LAMA2: variants seen among roughly 807,000 people sequenced by gnomAD.
The protein encoded by LAMA2 is laminin subunit alpha 2, also known as laminin subunit alpha-2.
A neutral mutation model predicts 364.8 loss-of-function variants in LAMA2; 269 were observed. The ratio of observed to expected loss-of-function variants is 0.74; its 90% CI spans 0.67 to 0.82. The LOEUF is 0.82. Ranked by LOEUF, LAMA2 falls within the 40% of genes least tolerant of loss-of-function variation. LAMA2 has a pLI of 0.00. For synonymous variants in LAMA2, 1,379 were observed against 1,370.6 expected, an observed-to-expected ratio of 1.01 and a Z score of -0.14; for missense variants, 3,807 against 3,873.2, an observed-to-expected ratio of 0.98 and a Z score of 0.45.
rs535923083 is a variant in LAMA2 at position 128,983,018 on chromosome 6, T to G, written c.113-66900T>G. The stretch of plus-strand genomic sequence containing the variant: ...TTCTTAATCCAGTCTATCATTGTTG[T>G]ACATTTGGGTTGGTTCCAAGTCTTT... On this transcript the variant is annotated intron_variant, in intron 1 of 64. Coordinates refer to ENST00000421865, the MANE Select transcript of LAMA2 (RefSeq NM_000426.4). 7.9e-3 allele frequency among the ~76,000 whole-genome samples: 1,194 copies of G among 151,028 alleles called. 23 individuals carry two copies. The highest frequency in any genetic ancestry group is 0.026 in the African/African-American group (1,061 of 40,580).
chr6:129,055,693 G>A (rs191523305), intron 2 of LAMA2, among the ~76,000 whole-genome samples: 96 of 152,270 alleles, frequency 6.3e-4, no homozygotes, highest in Non-Finnish European at 1.1e-3. Flanking sequence ...TGGAAGGTCC[G>A]CAGTTAATTA....
chr6:128,910,792 T>TG (rs1031956898), intron 1 of LAMA2, among the ~76,000 whole-genome samples: 1 of 150,550 alleles, frequency 6.6e-6, no homozygotes, highest in African/African-American at 2.5e-5. Context: ...TCTTTGATGA[T>TG]GGTGATGTAC....
chr6:129,180,939 G>A (rs190483542), intron 10 of LAMA2, among the ~76,000 whole-genome samples: 4 of 152,104 alleles, frequency 2.6e-5, no homozygotes, highest in Admixed American at 2.0e-4. Flanking sequence ...ACCCACAGAC[G>A]GAAATTGCAG....
At chr6:129,512,705 T>C (rs1486468382) in intron 63 of LAMA2, among the ~76,000 whole-genome samples, 1 of 152,184 alleles carries the variant, frequency 6.6e-6, no homozygotes, top group Non-Finnish European at 1.5e-5. Flanking sequence ...AATGCATTAA[T>C]TGTACAGCAA....
At chr6:129,006,502 C>T (rs191053038) in intron 1 of LAMA2, among the ~76,000 whole-genome samples, 78 of 152,264 alleles carry the variant, frequency 5.1e-4, no homozygotes, top group African/African-American at 1.8e-3. Context: ...GTCCCATTCA[C>T]CCATTTATCC....
At chr6:129,354,865 A>G (rs1175588487) in intron 32 of LAMA2, among the ~76,000 whole-genome samples, 1 of 152,188 alleles carries the variant, frequency 6.6e-6, no homozygotes, top group Non-Finnish European at 1.5e-5. Context: ...TATCATTAGA[A>G]ATCGTAATTC....
At chr6:129,088,346 C>A (rs1439007177) in intron 3 of LAMA2, among the ~76,000 whole-genome samples, 2 of 151,328 alleles carry the variant, frequency 1.3e-5, no homozygotes, top group African/African-American at 4.8e-5. Flanking sequence ...CCCCACATTT[C>A]CCCCTTTTCT....
At chr6:129,512,252 G>C in intron 62 of LAMA2, 111 bp from the exon 63 acceptor site, 3 of 1,062,984 alleles carry the variant, frequency 2.8e-6, no homozygotes, top group Non-Finnish European at 4.2e-6. Flanking sequence ...GCCCTCATTA[G>C]AATTAGCTAG....
At chr6:129,494,734 C>T (rs1170817779) in intron 58 of LAMA2, among the ~76,000 whole-genome samples, 1 of 152,144 alleles carries the variant, frequency 6.6e-6, no homozygotes, top group African/African-American at 2.4e-5. Flanking sequence ...CTGAGATCTG[C>T]CACATGGATT....
At chr6:129,415,585 C>A (rs1277476386) in intron 40 of LAMA2, among the ~76,000 whole-genome samples, 3 of 152,068 alleles carry the variant, frequency 2.0e-5, no homozygotes, top group Non-Finnish European at 2.9e-5. Flanking sequence ...GTGACTCATG[C>A]CGGTAATCCC....
At chr6:128,987,127 T>G (rs562364807) in intron 1 of LAMA2, among the ~76,000 whole-genome samples, 933 of 56,248 alleles carry the variant, frequency 0.017, 8 homozygotes, top group South Asian at 0.065. Context: ...GGATAGTTTG[T>G]TTTTTTTTTT....
intron 17 of LAMA2, 135 bp from the exon 18 acceptor site, chr6:129,279,926 T>C (rs1342351360): frequency 5.5e-6 from 4 of 724,042 alleles, no homozygotes; most frequent in Non-Finnish European, 1.0e-5. Context: ...CCCTAATCTC[T>C]GTCTCTGGGG....
At chr6:128,947,682 G>A (rs2114559202) in intron 1 of LAMA2, among the ~76,000 whole-genome samples, 1 of 152,250 alleles carries the variant, frequency 6.6e-6, no homozygotes, top group African/African-American at 2.4e-5. Context: ...AGAAGAGCAT[G>A]GATTTAAAGC....
intron 3 of LAMA2, among the ~76,000 whole-genome samples, chr6:129,090,315 G>A (rs960177455): frequency 3.3e-5 from 5 of 151,970 alleles, no homozygotes; most frequent in Non-Finnish European, 7.4e-5. Context: ...TGTATTACTC[G>A]CTTTGTAACT....
In LAMA2 at chr6:129,465,266, C is replaced by T. The variant is rs1181609822; in HGVS notation, c.7277C>T (p.Thr2426Ile). Residue 2426 changes from threonine to isoleucine, a missense_variant, in exon 51 of 65, where the codon ACT becomes ATT. Thr to Ile is a moderately conservative substitution (Grantham distance 89). This residue lies in a region of LAMA2 where 3,333 missense variants were observed against 3,345.7 expected (regional missense o/e 1.00). Coordinates refer to ENST00000421865, the MANE Select transcript of LAMA2 (RefSeq NM_000426.4). ...AATGATGGGAAATGGAAATCATTCA[C>T]TCTGTCAAGAATTCAAAAACAAGGT... ...NHNDGKWKSF[T>I]LSRIQKQANI... 3.3e-5 allele frequency: 53 copies of T among 1,611,174 alleles called. No homozygotes were observed. The highest frequency in any genetic ancestry group is 4.5e-5 in the Non-Finnish European group (53 of 1,178,110).
chr6:129,187,671 A>G (rs1312295598), intron 10 of LAMA2, among the ~76,000 whole-genome samples: 2 of 151,828 alleles, frequency 1.3e-5, no homozygotes, highest in Non-Finnish European at 2.9e-5. Context: ...AAAATGCTTG[A>G]GACCAGAAAT....
intron 1 of LAMA2, among the ~76,000 whole-genome samples, chr6:128,973,069 G>A (rs1782289388): frequency 6.6e-6 from 1 of 152,054 alleles, no homozygotes; most frequent in African/African-American, 2.4e-5. Flanking sequence ...GCAGTTGCAA[G>A]CAAGTTACTA....
intron 10 of LAMA2, among the ~76,000 whole-genome samples, chr6:129,181,746 G>T (rs1780941769): frequency 6.6e-6 from 1 of 151,746 alleles, no homozygotes; most frequent in Non-Finnish European, 1.5e-5. Context: ...AGTTGCCAAA[G>T]AAGAGATTAG....
At chr6:129,188,246 C>T (rs553054776) in intron 10 of LAMA2, among the ~76,000 whole-genome samples, 2 of 151,802 alleles carry the variant, frequency 1.3e-5, no homozygotes. Flanking sequence ...AGAATTCCTA[C>T]CCTAATGTGT....
Sources: allele counts gnomAD v4.1 joint callset (sites outside exome capture counted in the v4.1 genomes callset), GRCh38; gene constraint gnomAD v4.1.1; regional missense constraint gnomAD v4.1.1; transcripts MANE v1.5; gene names NCBI Gene and HGNC (gene_info 2026-07-23, HGNC 2026-07-21).